Variants in SPP2 observed in about 807,000 individuals in gnomAD.
SPP2 encodes the protein secreted phosphoprotein 24.
Under a neutral mutation model 28.8 loss-of-function variants are expected in SPP2, and 34 were observed. The observed-to-expected ratio is 1.18, with a 90% CI of 0.90 to 1.57. SPP2 has a LOEUF of 1.57. Among genes scored for constraint, SPP2 ranks in the 40% most tolerant of loss-of-function variants. The pLI, the probability that SPP2 is intolerant of heterozygous loss-of-function variation, is 0.00. For missense variants in SPP2, 269 were observed against 263.9 expected, an observed-to-expected ratio of 1.02 and a Z score of -0.13; for synonymous variants, 96 against 89.4, an observed-to-expected ratio of 1.07 and a Z score of -0.42.
chr2:234,065,199 C>G (rs1693792830), intron 4 of SPP2, among the ~76,000 whole-genome samples: 1 of 152,132 alleles, frequency 6.6e-6, no homozygotes, highest in Non-Finnish European at 1.5e-5. Context: ...ATTTCAGTTT[C>G]TATACATTTT....
intron 7 of SPP2, among the ~76,000 whole-genome samples, chr2:234,071,109 A>G (rs1411616459): frequency 6.6e-6 from 1 of 152,092 alleles, no homozygotes; most frequent in East Asian, 1.9e-4. Context: ...TCTTCTTGGA[A>G]CATACATTGG....
chr2:234,073,412 T>G (rs1469060919), intron 7 of SPP2, among the ~76,000 whole-genome samples: 2 of 152,200 alleles, frequency 1.3e-5, no homozygotes, highest in African/African-American at 4.8e-5. Context: ...GTGAGTGTCA[T>G]TTTTCCACTG....
chr2:234,067,560 G>A (rs368560874), intron 6 of SPP2, among the ~76,000 whole-genome samples: 1 of 151,950 alleles, frequency 6.6e-6, no homozygotes, highest in African/African-American at 2.4e-5. Flanking sequence ...GGCGGATCAC[G>A]AAGTCAGGAG....
chr2:234,064,055 G>C (rs573985517), intron 4 of SPP2, among the ~76,000 whole-genome samples: 82 of 152,266 alleles, frequency 5.4e-4, no homozygotes, highest in Non-Finnish European at 9.4e-4. Flanking sequence ...ACTCGACTTA[G>C]AGTCCTTCAG....
At chr2:234,069,022 G>T (rs1272845271) in intron 6 of SPP2, among the ~76,000 whole-genome samples, 1 of 152,084 alleles carries the variant, frequency 6.6e-6, no homozygotes, top group Non-Finnish European at 1.5e-5. Context: ...GCTTGACTGG[G>T]GTTGAAGGAG....
At chr2:234,051,375 C>T (rs528648415) in intron 2 of SPP2, among the ~76,000 whole-genome samples, 18 of 152,260 alleles carry the variant, frequency 1.2e-4, no homozygotes, top group African/African-American at 3.4e-4. Flanking sequence ...TTGAAGTCCT[C>T]GCGATTCTTT....
chr2:234,061,549 C>T (rs1693720293), intron 4 of SPP2, among the ~76,000 whole-genome samples: 2 of 151,942 alleles, frequency 1.3e-5, no homozygotes, highest in South Asian at 4.2e-4. Context: ...TATTTTTGTT[C>T]AGTTTTTCAA....
chr2:234,063,086 C>T (rs893151817), intron 4 of SPP2, among the ~76,000 whole-genome samples: 2 of 151,878 alleles, frequency 1.3e-5, no homozygotes, highest in African/African-American at 4.8e-5. Flanking sequence ...TTAAGTAATT[C>T]CTGGAAACTC....
intron 2 of SPP2, 67 bp downstream of exon 2, chr2:234,051,162 G>T: frequency 6.4e-7 from 1 of 1,564,306 alleles, no homozygotes; most frequent in African/African-American, 1.4e-5. Context: ...CAGTTCATTG[G>T]ATATACTTTT....
At chr2:234,062,874 CTT>C (rs1008015827) in intron 4 of SPP2, among the ~76,000 whole-genome samples, 2 of 152,198 alleles carry the variant, frequency 1.3e-5, no homozygotes, top group Admixed American at 1.3e-4. Flanking sequence ...AGACCACTCT[CTT>C]TTCTTCCAAT....
Position 234,067,266 on chromosome 2 carries a change from G to A in SPP2, c.542G>A (p.Arg181Gln), listed in dbSNP as rs764495552. ...DESISEQFYD[R>Q]SLGIMRRVLP... ...TCCATAAGTGAACAATTTTATGATC[G>A]GTCACTTGGTAAGTGATTTCTTTCC... Residue 181 changes from arginine (R) to glutamine (Q), a missense_variant, in exon 6 of 8, where the codon CGG becomes CAG. By Grantham distance (43) the Arg-to-Gln change is conservative. Coordinates refer to ENST00000168148, the MANE Select transcript of SPP2 (RefSeq NM_006944.3). 59 of 1,613,676 alleles carry A rather than the reference G, an allele frequency of 3.7e-5. No individual in the cohort carries two copies. Among genetic ancestry groups the A allele is most frequent in the Non-Finnish European group, 4.5e-5 (53 of 1,179,900 alleles).
At chr2:234,056,842 C>T (rs1052417569) in intron 2 of SPP2, among the ~76,000 whole-genome samples, 2 of 152,066 alleles carry the variant, frequency 1.3e-5, no homozygotes, top group Non-Finnish European at 2.9e-5. Context: ...TATCAGCACT[C>T]ATTATGTGTC....
rs1438051064 is a variant in SPP2, at chr2:234,066,541, T to C, written c.453T>C (p.Phe151=). The change falls in exon 5 of 8, where the codon TTT becomes TTC. Residue 151 remains phenylalanine, a synonymous_variant. Transcript: ENST00000168148. ...TGCCTGAATTTCTTTAGATGATTTT[T>C]GGGGACATGTTGGGATCTCATAAAT... ...SESYSSEEMI[F]GDMLGSHKWR... is the part of the protein sequence containing the mutation. 6.2e-7 allele frequency: 1 copy of C among 1,612,422 alleles called. No homozygotes were observed. The highest frequency in any genetic ancestry group is 8.5e-7 in the Non-Finnish European group (1 of 1,179,608).
chr2:234,075,626 A>G (rs1028587498), intron 7 of SPP2, among the ~76,000 whole-genome samples: 1 of 152,090 alleles, frequency 6.6e-6, no homozygotes, highest in African/African-American at 2.4e-5. Flanking sequence ...GATGTTACCC[A>G]GGGTTCCAGC....
chr2:234,050,850 A>G lies in SPP2; in HGVS notation c.64A>G (p.Met22Val), dbSNP rs369178666. ...GATATTGATTATGTTTGCTCTTGGA[A>G]TGAACTACTGGTCTTGCTCAGGTAA... ...MKILIMFALGMNYWSCSGFPV... is the reference protein window; with the variant it reads ...MKILIMFALGVNYWSCSGFPV... Residue 22 changes from methionine (M) to valine (V), a missense_variant, in exon 1 of 8, where the codon ATG becomes GTG. Physicochemically the swap from Met to Val is conservative, Grantham distance 21. Coordinates refer to ENST00000168148, the MANE Select transcript of SPP2 (RefSeq NM_006944.3). 7.7e-5 allele frequency: 124 copies of G among 1,613,968 alleles called. No homozygotes were observed. Among genetic ancestry groups the G allele is most frequent in the Non-Finnish European group, 9.7e-5 (115 of 1,179,944 alleles).
intron 7 of SPP2, among the ~76,000 whole-genome samples, chr2:234,074,950 C>G (rs992611521): frequency 7.0e-6 from 1 of 143,346 alleles, no homozygotes; most frequent in African/African-American, 2.6e-5. Context: ...CAGCACTATA[C>G]TTTGGGGCTA....
chr2:234,075,551 C>A (rs911852979), intron 7 of SPP2, among the ~76,000 whole-genome samples: 1 of 152,176 alleles, frequency 6.6e-6, no homozygotes, highest in East Asian at 1.9e-4. Context: ...GAGATTTGGT[C>A]CCCTCTCAGG....
chr2:234,072,815 T>C (rs1282091859), intron 7 of SPP2, among the ~76,000 whole-genome samples: 1 of 152,238 alleles, frequency 6.6e-6, no homozygotes, highest in South Asian at 2.1e-4. Context: ...ATTCAGTTCC[T>C]TAACCTCTCA....
chr2:234,071,308 T>C (rs1465163561), intron 7 of SPP2, among the ~76,000 whole-genome samples: 4 of 152,192 alleles, frequency 2.6e-5, no homozygotes, highest in Non-Finnish European at 4.4e-5. Context: ...TATAAACTAA[T>C]GCTTGCTTCA....
Sources: gnomAD v4.1 joint callset for allele counts (sites outside exome capture counted in the v4.1 genomes callset) on GRCh38, gnomAD v4.1.1 for gene constraint, MANE v1.5 for transcripts, NCBI Gene and HGNC (gene_info 2026-07-23, HGNC 2026-07-21) for gene names.